The following RGP1 variants were observed in gnomAD, a reference collection of about 807,000 sequenced individuals.
RGP1 encodes the protein RGP1 partner of RAB6A GEF complex.
A neutral mutation model predicts 44.5 loss-of-function variants in RGP1; 28 were observed. That is an observed-to-expected ratio of 0.63 (90% confidence interval 0.47 to 0.86). The LOEUF (loss-of-function observed/expected upper bound fraction) is 0.86. RGP1 is among the 40% of genes least tolerant of loss of function. The pLI is 0.00. For missense variants in RGP1, 417 were observed against 490.7 expected (o/e 0.85, Z 1.42); for synonymous variants, 212 against 196.7 (o/e 1.08, Z -0.65).
At chr9:35,782,600 C>T in the RGP1 span, among the ~76,000 whole-genome samples, 12 of 152,112 alleles carry the variant, frequency 7.9e-5, no homozygotes, top group African/African-American at 1.2e-4. Context: ...CGCGTGCCAT[C>T]GCGCCTGGCT....
the RGP1 span, among the ~76,000 whole-genome samples, chr9:35,775,234 G>A: frequency 6.6e-6 from 1 of 152,142 alleles, no homozygotes; most frequent in African/African-American, 2.4e-5. Flanking sequence ...TTAAACCAGA[G>A]GGCATTTAAT....
chr9:35,767,865 C>T, the RGP1 span, among the ~76,000 whole-genome samples: 5 of 152,212 alleles, frequency 3.3e-5, no homozygotes, highest in Non-Finnish European at 5.9e-5. Flanking sequence ...TGCAGTGGCA[C>T]GATCTCAGCT....
At chr9:35,778,557 A>G in the RGP1 span, among the ~76,000 whole-genome samples, 9 of 152,340 alleles carry the variant, frequency 5.9e-5, no homozygotes, top group South Asian at 1.9e-3. Flanking sequence ...TCAAGCAGTC[A>G]GAATACTTTG....
chr9:35,764,827 A>G, the RGP1 span, among the ~76,000 whole-genome samples: 1 of 152,104 alleles, frequency 6.6e-6, no homozygotes, highest in African/African-American at 2.4e-5. Flanking sequence ...TCATGTTTTT[A>G]TGTATATTAA....
chr9:35,750,489 A>G (rs1046950350), intron 3 of RGP1, 110 bp downstream of exon 3: 2 of 1,371,684 alleles, frequency 1.5e-6, no homozygotes, highest in Non-Finnish European at 2.0e-6. Context: ...AGTCCCTGTC[A>G]TGCTGGGGAT....
At chr9:35,783,580 A>C in the RGP1 span, among the ~76,000 whole-genome samples, 1 of 151,988 alleles carries the variant, frequency 6.6e-6, no homozygotes, top group Admixed American at 6.6e-5. Flanking sequence ...CCTGTGGTAT[A>C]ATGTCCTCCA....
the RGP1 span, among the ~76,000 whole-genome samples, chr9:35,769,242 CT>C: frequency 2.0e-5 from 3 of 152,256 alleles, no homozygotes; most frequent in Non-Finnish European, 2.9e-5. Context: ...TGAAACACAT[CT>C]ACTGTACCTG....
chr9:35,782,162 T>C, the RGP1 span, among the ~76,000 whole-genome samples: 2 of 152,044 alleles, frequency 1.3e-5, no homozygotes, highest in African/African-American at 2.4e-5. Context: ...ATTATTTCTC[T>C]TCTATATTAC....
chr9:35,786,131 A>T, the RGP1 span, among the ~76,000 whole-genome samples: 4 of 152,248 alleles, frequency 2.6e-5, no homozygotes, highest in Non-Finnish European at 5.9e-5. Flanking sequence ...GAAGATTAAA[A>T]TAGTGACTAG....
the RGP1 span, among the ~76,000 whole-genome samples, chr9:35,774,253 C>T: frequency 1.4e-4 from 22 of 152,222 alleles, 1 homozygote; most frequent in Admixed American, 1.1e-3. Context: ...CTTGCTCCCC[C>T]ATGGCAGCAA....
the RGP1 span, among the ~76,000 whole-genome samples, chr9:35,783,402 G>A: frequency 6.6e-6 from 1 of 151,936 alleles, no homozygotes; most frequent in Non-Finnish European, 1.5e-5. Context: ...ACTGTGCAAG[G>A]GAACACTGGA....
At chr9:35,787,856 T>C in the RGP1 span, among the ~76,000 whole-genome samples, 2 of 152,232 alleles carry the variant, frequency 1.3e-5, no homozygotes, top group Admixed American at 6.5e-5. Context: ...CTCTGCCCTC[T>C]GTTGGCAGGT....
At chr9:35,783,221 T>G in the RGP1 span, among the ~76,000 whole-genome samples, 2 of 152,312 alleles carry the variant, frequency 1.3e-5, no homozygotes, top group Non-Finnish European at 2.9e-5. Context: ...TTGACAATAA[T>G]TATACATACT....
the RGP1 span, among the ~76,000 whole-genome samples, chr9:35,774,222 C>T: frequency 6.6e-6 from 1 of 152,184 alleles, no homozygotes; most frequent in Non-Finnish European, 1.5e-5. Context: ...GCTGGGTCCT[C>T]AGGAGACTCA....
the RGP1 span, among the ~76,000 whole-genome samples, chr9:35,786,357 C>G: frequency 1.3e-5 from 2 of 152,194 alleles, no homozygotes; most frequent in African/African-American, 2.4e-5. Context: ...ATATTTGAGA[C>G]TTCATGCTAT....
rs1320565950 is a variant in RGP1 at position 35,752,001 on chromosome 9, C to T, written c.808C>T (p.Gln270Ter). Residue 270 changes from glutamine to a stop codon, truncating the protein, a stop_gained, in exon 8 of 9, where the codon CAG (glutamine) becomes TAG (stop). Transcript: ENST00000378078. LOFTEE classifies it high-confidence loss of function. ...QTEERVQPEY[Q>*]RRRGAGGVPS... ...CGAGGAGCGTGTACAGCCTGAGTAC[C>T]AGCGGCGACGTGGGGCAGGGGGTGT... 1.9e-6 allele frequency: 3 copies of T among 1,601,434 alleles called. No individual in the cohort carries two copies. The highest frequency in any genetic ancestry group is 1.3e-5 in the African/African-American group (1 of 74,558).
chr9:35,764,709 G>C, the RGP1 span, among the ~76,000 whole-genome samples: 270 of 152,204 alleles, frequency 1.8e-3, no homozygotes, highest in Non-Finnish European at 3.2e-3. Context: ...CACTGATCTG[G>C]TTTCTATCAC....
chr9:35,750,529 TAGA>T (rs1827231717), intron 3 of RGP1, 126 bp from the exon 4 acceptor site: 9 of 1,287,174 alleles, frequency 7.0e-6, no homozygotes, highest in Non-Finnish European at 9.9e-6. Flanking sequence ...GCTTTAGGGG[TAGA>T]AGACTATTCC....
rs775749203 is a variant in RGP1 at position 35,750,980 on chromosome 9, G to C, written c.478G>C (p.Val160Leu). Residue 160 changes from valine to leucine, a missense_variant, in exon 5 of 9, where the codon GTG (valine) becomes CTG (leucine). Physicochemically the swap from Val to Leu is conservative, Grantham distance 32. Coordinates refer to ENST00000378078, the MANE Select transcript of RGP1 (RefSeq NM_001080496.3). ...TLLRVPLRVLVLTGLQDVRFP... is the reference protein window; with the variant it reads ...TLLRVPLRVLLLTGLQDVRFP... ...ACTCAGAGTCCCTCTGAGGGTTCTT[G>C]TGCTGACTGGTAAGCAAGGGCTCCT... 2.0e-5 allele frequency: 33 copies of C among 1,613,566 alleles called. No individual in the cohort carries two copies. Among genetic ancestry groups the C allele is most frequent in the Admixed American group, 2.0e-4 (12 of 59,996 alleles).
Sources: gnomAD v4.1 joint callset for allele counts (sites outside exome capture counted in the v4.1 genomes callset) on GRCh38, gnomAD v4.1.1 for gene constraint, MANE v1.5 for transcripts, NCBI Gene and HGNC (gene_info 2026-07-23, HGNC 2026-07-21) for gene names.